The following AUTS2 variants were observed in gnomAD, a reference collection of about 807,000 sequenced individuals.
AUTS2 encodes the protein activator of transcription and developmental regulator AUTS2, also known as autism susceptibility gene 2 protein.
In AUTS2, 17 loss-of-function variants were observed where a neutral mutation model predicts 112.4. The ratio of observed to expected loss-of-function variants is 0.15; its 90% CI spans 0.10 to 0.23. The LOEUF (loss-of-function observed/expected upper bound fraction) is 0.23. Among genes scored for constraint, AUTS2 ranks in the 10% least tolerant of loss-of-function variants. The pLI is 1.00. For missense variants in AUTS2, 1,510 were observed against 1,701.6 expected (o/e 0.89, Z 1.98); for synonymous variants, 751 against 702.7 (o/e 1.07, Z -1.09).
intron 5 of AUTS2, among the ~76,000 whole-genome samples, chr7:70,693,023 C>T (rs1808837094): frequency 6.6e-6 from 1 of 152,196 alleles, no homozygotes; most frequent in African/African-American, 2.4e-5. Context: ...GCCCACTGTA[C>T]TCCACAACCC....
At chr7:70,468,973 C>T (rs941310221) in intron 5 of AUTS2, among the ~76,000 whole-genome samples, 2 of 152,120 alleles carry the variant, frequency 1.3e-5, no homozygotes, top group African/African-American at 4.8e-5. Flanking sequence ...AGTTTCGTCA[C>T]GGGACTCTGC....
chr7:70,716,087 G>T (rs2129550593), intron 6 of AUTS2, among the ~76,000 whole-genome samples: 1 of 152,334 alleles, frequency 6.6e-6, no homozygotes, highest in African/African-American at 2.4e-5. Context: ...AAAATCTGAT[G>T]ATCCCAACTG....
At chr7:70,647,835 T>C (rs1412336561) in intron 5 of AUTS2, among the ~76,000 whole-genome samples, 2 of 152,248 alleles carry the variant, frequency 1.3e-5, no homozygotes, top group African/African-American at 4.8e-5. Flanking sequence ...GTGGCCTTTC[T>C]TTGGAACTCA....
intron 2 of AUTS2, among the ~76,000 whole-genome samples, chr7:69,987,052 G>C (rs1382752795): frequency 6.6e-6 from 1 of 152,192 alleles, no homozygotes; most frequent in Non-Finnish European, 1.5e-5. Context: ...CAAGGACAAT[G>C]TTGAGATGAA....
intron 5 of AUTS2, among the ~76,000 whole-genome samples, chr7:70,551,383 T>C (rs1185254178): frequency 6.6e-6 from 1 of 152,014 alleles, no homozygotes; most frequent in Non-Finnish European, 1.5e-5. Context: ...ATATCAGTAG[T>C]CACAAATCAC....
At chr7:70,460,656 G>A (rs1235622911) in intron 5 of AUTS2, among the ~76,000 whole-genome samples, 1 of 152,096 alleles carries the variant, frequency 6.6e-6, no homozygotes, top group Admixed American at 6.5e-5. Context: ...CGCTGAGCCT[G>A]GTCTTAGAGT....
chr7:70,259,620 A>C (rs1230271552), intron 4 of AUTS2, among the ~76,000 whole-genome samples: 1 of 152,182 alleles, frequency 6.6e-6, no homozygotes, highest in Non-Finnish European at 1.5e-5. Context: ...GAATGAGTCA[A>C]ATCTGGTGCC....
chr7:70,256,209 GATGTTTCTGTA>G (rs2129605648), intron 4 of AUTS2, among the ~76,000 whole-genome samples: 1 of 152,256 alleles, frequency 6.6e-6, no homozygotes, highest in South Asian at 2.1e-4. Flanking sequence ...CTTCCTCCTT[GATGTTTCTGTA>G]AAGAGCATTT....
chr7:70,068,298 C>G (rs1273488217), intron 2 of AUTS2, among the ~76,000 whole-genome samples: 1 of 151,674 alleles, frequency 6.6e-6, no homozygotes, highest in African/African-American at 2.4e-5. Flanking sequence ...CTGCCTCAGC[C>G]TCCTGAGTAG....
At chr7:69,717,700 G>T (rs1798690922) in intron 1 of AUTS2, among the ~76,000 whole-genome samples, 1 of 152,168 alleles carries the variant, frequency 6.6e-6, no homozygotes, top group African/African-American at 2.4e-5. Flanking sequence ...TAGATTTTCT[G>T]GAGTGTAATT....
At chr7:69,855,134 A>G (rs994496512) in intron 1 of AUTS2, among the ~76,000 whole-genome samples, 4 of 152,226 alleles carry the variant, frequency 2.6e-5, no homozygotes, top group South Asian at 2.1e-4. Context: ...GGTCTTGTCT[A>G]TAAATTAAGA....
intron 5 of AUTS2, among the ~76,000 whole-genome samples, chr7:70,643,959 C>T (rs1326794221): frequency 6.6e-6 from 1 of 152,078 alleles, no homozygotes; most frequent in Non-Finnish European, 1.5e-5. Flanking sequence ...TGGCTCGCCC[C>T]ACCTACCATA....
intron 4 of AUTS2, among the ~76,000 whole-genome samples, chr7:70,191,128 C>T (rs376104032): frequency 2.1e-5 from 3 of 142,588 alleles, no homozygotes; most frequent in South Asian, 4.9e-4. Flanking sequence ...TGACAGCTTA[C>T]ATATGATGCT....
intron 1 of AUTS2, among the ~76,000 whole-genome samples, chr7:69,706,209 G>C (rs1468791637): frequency 6.6e-6 from 1 of 152,188 alleles, no homozygotes; most frequent in African/African-American, 2.4e-5. Context: ...TGTAGCTGGG[G>C]TTGGGGATGG....
At chr7:70,408,020 C>G (rs984215380) in intron 4 of AUTS2, among the ~76,000 whole-genome samples, 7 of 149,228 alleles carry the variant, frequency 4.7e-5, no homozygotes, top group Non-Finnish European at 1.0e-4. Flanking sequence ...CGCCACTGCA[C>G]TCCAGCCTGG....
At chr7:69,898,433 G>A (rs1246715188) in intron 1 of AUTS2, among the ~76,000 whole-genome samples, 2 of 152,134 alleles carry the variant, frequency 1.3e-5, no homozygotes, top group Non-Finnish European at 2.9e-5. Context: ...TTTTGCACGT[G>A]GTCTCAGAGT....
At chr7:69,664,078 C>T (rs1056307599) in intron 1 of AUTS2, among the ~76,000 whole-genome samples, 2 of 152,174 alleles carry the variant, frequency 1.3e-5, no homozygotes, top group African/African-American at 2.4e-5. Flanking sequence ...GTTGTGGTTC[C>T]GGACTCAGTC....
At chr7:70,342,696 C>T (rs1321825732) in intron 4 of AUTS2, among the ~76,000 whole-genome samples, 1 of 152,106 alleles carries the variant, frequency 6.6e-6, no homozygotes, top group Non-Finnish European at 1.5e-5. Context: ...ATGTAGATCT[C>T]TTCCACCTCC....
intron 4 of AUTS2, among the ~76,000 whole-genome samples, chr7:70,333,456 G>C (rs1001207714): frequency 1.3e-5 from 2 of 152,118 alleles, no homozygotes; most frequent in Non-Finnish European, 2.9e-5. Flanking sequence ...CTTATTACCG[G>C]ATATATACCT....
Sources: allele counts gnomAD v4.1 joint callset (sites outside exome capture counted in the v4.1 genomes callset), GRCh38; gene constraint gnomAD v4.1.1; transcripts MANE v1.5; gene names NCBI Gene and HGNC (gene_info 2026-07-23, HGNC 2026-07-21).